PDE9A: variants seen among roughly 807,000 people sequenced by gnomAD.
PDE9A encodes the protein high affinity cGMP-specific 3',5'-cyclic phosphodiesterase 9A.
PDE9A carries 60 observed loss-of-function variants against 87.4 expected under a neutral mutation model. That is an observed-to-expected ratio of 0.69 (90% CI 0.56 to 0.85). The LOEUF (loss-of-function observed/expected upper bound fraction) is 0.85. Among genes scored for constraint, PDE9A ranks in the 40% least tolerant of loss-of-function variants. PDE9A has a pLI of 0.00. For synonymous variants in PDE9A, 272 were observed against 279.4 expected, an observed-to-expected ratio of 0.97 and a Z score of 0.27; for missense variants, 665 against 779.0, an observed-to-expected ratio of 0.85 and a Z score of 1.74.
intron 1 of PDE9A, among the ~76,000 whole-genome samples, chr21:42,666,193 G>A (rs932465593): frequency 5.3e-5 from 8 of 152,194 alleles, no homozygotes; most frequent in African/African-American, 1.7e-4. Flanking sequence ...AAGAAAGGGC[G>A]TGGCTGCAGC....
Position 42,756,325 on chromosome 21 carries a change from C to T in PDE9A, c.810+2261C>T, listed in dbSNP as rs79973650. Among the ~76,000 whole-genome samples the T allele has an allele frequency of 4.2e-3, 647 of 152,320 alleles. 2 individuals are homozygous for T. Among genetic ancestry groups the T allele is most frequent in the Non-Finnish European group, 7.8e-3 (528 of 68,018 alleles). The stretch of plus-strand genomic sequence containing the variant: ...TGGCAAAGAGGGACAACTAAAGGGA[C>T]ACACATGAAAACAGCCCACTCGGCC... On this transcript the variant is annotated intron_variant, in intron 10 of 19. Coordinates refer to ENST00000291539, the MANE Select transcript of PDE9A (RefSeq NM_002606.3).
chr21:42,722,298 C>T lies in PDE9A; in HGVS notation c.263-9472C>T, dbSNP rs117394375. Reference sequence around the variant, plus strand: ...TCCAGCAGAGGTATTTTTTCTAATACTTGAGAAGTGTCTGCTAAGTATGTA... The same window carrying T: ...TCCAGCAGAGGTATTTTTTCTAATATTTGAGAAGTGTCTGCTAAGTATGTA... On this transcript the variant is annotated intron_variant, in intron 4 of 19. Coordinates refer to ENST00000291539, the MANE Select transcript of PDE9A (RefSeq NM_002606.3). This position sits in a 1 kb window ranked among gnomAD's most constrained non-coding sequence, Gnocchi z 4.1. Among the ~76,000 whole-genome samples, 2 of 152,254 alleles carry T rather than the reference C, an allele frequency of 1.3e-5. No individual in the cohort carries two copies. Among genetic ancestry groups the T allele is most frequent in the East Asian group, 1.9e-4 (1 of 5,178 alleles).
chr21:42,720,729 G>A (rs1268323389), intron 4 of PDE9A, among the ~76,000 whole-genome samples: 1 of 151,906 alleles, frequency 6.6e-6, no homozygotes, highest in Non-Finnish European at 1.5e-5. Flanking sequence ...GAGCTGGCCA[G>A]GCACAGTGGC....
chr21:42,742,658 G>A (rs1388460469), intron 7 of PDE9A, among the ~76,000 whole-genome samples: 3 of 151,840 alleles, frequency 2.0e-5, no homozygotes, highest in Non-Finnish European at 4.4e-5. Context: ...GTAGAGACAG[G>A]GTTTCACTAT....
Position 42,704,465 on chromosome 21 carries a change from C to CACACAT in PDE9A, c.262+5459_262+5460insTACACA, listed in dbSNP as rs1419159698. Reference sequence around the variant, plus strand: ...ACACACACACACACACACACACACACACACAGCTTTCCTGAGAAATGTGTT... The same window carrying CACACAT: ...ACACACACACACACACACACACACACACACATACACAGCTTTCCTGAGAAATGTGTT... On this transcript the variant is annotated intron_variant, in intron 4 of 19. Coordinates refer to ENST00000291539, the MANE Select transcript of PDE9A (RefSeq NM_002606.3). This position sits in a 1 kb window ranked among gnomAD's most constrained non-coding sequence, Gnocchi z 5.3. Among the ~76,000 whole-genome samples the CACACAT allele has an allele frequency of 3.3e-5, 5 of 151,694 alleles. No individual in the cohort carries two copies. Among genetic ancestry groups the CACACAT allele is most frequent in the African/African-American group, 1.2e-4 (5 of 41,212 alleles).
chr21:42,721,314 C>T (rs768585059), intron 4 of PDE9A, among the ~76,000 whole-genome samples: 6 of 152,162 alleles, frequency 3.9e-5, no homozygotes, highest in Non-Finnish European at 8.8e-5. Context: ...TGAGGTGAAC[C>T]TGAAATGACA....
At chr21:42,709,484 G>C (rs546359353) in intron 4 of PDE9A, among the ~76,000 whole-genome samples, 2 of 152,224 alleles carry the variant, frequency 1.3e-5, no homozygotes, top group East Asian at 1.9e-4. Context: ...AAAAGTGCAC[G>C]TGCATGTAAC....
Position 42,692,893 on chromosome 21 carries a change from G to C in PDE9A, c.218+4899G>C, listed in dbSNP as rs34277211. On this transcript the variant is annotated intron_variant, in intron 3 of 19. Coordinates refer to ENST00000291539, the MANE Select transcript of PDE9A (RefSeq NM_002606.3). The surrounding 1 kb of genome is among the most constrained non-coding windows in gnomAD (Gnocchi z 4.3). ...CGCACTCTTCCTGCACCGGAGCCGC[G>C]GTGCGAGGCCTCGGGAATGCTCACC... is the stretch of plus-strand genomic sequence containing the variant. 0.024 allele frequency among the ~76,000 whole-genome samples: 3,644 copies of C among 152,288 alleles called. 71 individuals are homozygous for C. The highest frequency in any genetic ancestry group is 0.037 in the Middle Eastern group (11 of 294).
rs534012405 is a variant in PDE9A at position 42,682,930 on chromosome 21, C to G, written c.70-3262C>G. Among the ~76,000 whole-genome samples the G allele has an allele frequency of 7.2e-5, 11 of 152,268 alleles. No individual in the cohort carries two copies. The South Asian group carries it at 1.9e-3, about 26-fold the overall frequency. ...GCAGATATTGCCACCAAAAGTAAAG[C>G]CTTCATAAAAGTTTGCATTTGGGGA... On this transcript the variant is annotated intron_variant, in intron 1 of 19. Coordinates refer to ENST00000291539, the MANE Select transcript of PDE9A (RefSeq NM_002606.3).
At position 42,731,790 on chromosome 21, in the gene PDE9A, A is replaced by C. The variant is rs760426596; in HGVS notation, c.283A>C (p.Thr95Pro). 1.9e-6 allele frequency: 3 copies of C among 1,613,618 alleles called. No homozygotes were observed. Among genetic ancestry groups the C allele is most frequent in the Non-Finnish European group, 2.5e-6 (3 of 1,179,840 alleles). ...TATAGCTGGTGTCGAGGACAAGAGA[A>C]CCACAAGCCGTGGCCAGTCTGCTGA... The part of the protein sequence containing the change: ...QLSAGVEDKR[T>P]TSRGQSAERP... The change falls in exon 5 of 20, where the codon ACC becomes CCC. Residue 95 changes from threonine to proline, a missense_variant. By Grantham distance (38) the Thr-to-Pro change is conservative (BLOSUM62 -1). Transcript: ENST00000291539.
At chr21:42,738,600 G>A (rs1027127162) in intron 7 of PDE9A, among the ~76,000 whole-genome samples, 14 of 152,186 alleles carry the variant, frequency 9.2e-5, no homozygotes, top group Non-Finnish European at 1.6e-4. Flanking sequence ...CAAAGCCAGC[G>A]TCTGTCAGAA....
intron 7 of PDE9A, among the ~76,000 whole-genome samples, chr21:42,738,105 G>A (rs1354965194): frequency 6.6e-6 from 1 of 152,116 alleles, no homozygotes; most frequent in East Asian, 1.9e-4. Flanking sequence ...TTCCTTCCTG[G>A]TTTGTGGCCA....
At chr21:42,685,114 G>A (rs377241127) in intron 1 of PDE9A, among the ~76,000 whole-genome samples, 53 of 152,222 alleles carry the variant, frequency 3.5e-4, no homozygotes, top group African/African-American at 1.3e-3. Flanking sequence ...AACTGTCCAG[G>A]GAGGCATCCT....
intron 18 of PDE9A, 140 bp downstream of exon 18, chr21:42,770,938 C>A (rs1427177061): frequency 6.3e-6 from 4 of 629,954 alleles, no homozygotes. Context: ...TACCTTCCAT[C>A]AGAAAGCCTG....
intron 1 of PDE9A, among the ~76,000 whole-genome samples, chr21:42,670,248 CAT>C (rs2058374047): frequency 2.4e-5 from 3 of 125,600 alleles, no homozygotes; most frequent in South Asian, 2.3e-4. Context: ...CACTCATACA[CAT>C]ACATACATTC....
rs1218300562 is a variant in PDE9A, at chr21:42,759,383, G to A, written c.897+298G>A. Among the ~76,000 whole-genome samples, 1 of 44,286 alleles carries A rather than the reference G, an allele frequency of 2.3e-5. No individual in the cohort carries two copies. Among genetic ancestry groups the A allele is most frequent in the Non-Finnish European group, 5.6e-5 (1 of 17,828 alleles). 29.1% of individuals were successfully genotyped at this position (44,286 alleles called of 152,430 possible). On this transcript the variant is annotated intron_variant, in intron 11 of 19. Transcript: ENST00000291539. The surrounding 1 kb of genome is among the most constrained non-coding windows in gnomAD (Gnocchi z 7.2). ...TCCTAAAGCAGCGGTGTGTGGGAGCGTGTGTGTGTGTGTGGGAGCGTGTGT... is the reference window on the plus strand; with the variant it reads ...TCCTAAAGCAGCGGTGTGTGGGAGCATGTGTGTGTGTGTGGGAGCGTGTGT...
chr21:42,748,032 C>T (rs1407399499), intron 8 of PDE9A, among the ~76,000 whole-genome samples: 1 of 152,204 alleles, frequency 6.6e-6, no homozygotes, highest in African/African-American at 2.4e-5. Context: ...AGCAGACCCT[C>T]CTCTGCTCCC....
chr21:42,714,701 A>T (rs1013261197), intron 4 of PDE9A, among the ~76,000 whole-genome samples: 2 of 144,912 alleles, frequency 1.4e-5, no homozygotes, highest in African/African-American at 5.2e-5. Flanking sequence ...TAGCTCTACC[A>T]GTCTTTGTTC....
chr21:42,774,129 TC>T (rs1269795691), intron 19 of PDE9A, among the ~76,000 whole-genome samples: 5 of 151,932 alleles, frequency 3.3e-5, no homozygotes, highest in African/African-American at 1.2e-4. Context: ...AGACTCCATC[TC>T]AAAAAAATAT....
Sources: gnomAD v4.1 joint callset for allele counts (sites outside exome capture counted in the v4.1 genomes callset) on GRCh38, gnomAD v4.1.1 for gene constraint, Gnocchi (gnomAD v3.1) non-coding constraint, MANE v1.5 for transcripts, NCBI Gene and HGNC (gene_info 2026-07-23, HGNC 2026-07-21) for gene names.